Variants in GSG1L observed in about 807,000 individuals in gnomAD.
GSG1L encodes the protein germ cell-specific gene 1-like protein.
Under a neutral mutation model 42.1 loss-of-function variants are expected in GSG1L, and 24 were observed. The ratio of observed to expected loss-of-function variants is 0.57; its 90% CI spans 0.41 to 0.80. The LOEUF (loss-of-function observed/expected upper bound fraction) is 0.80, where lower values mean the gene tolerates loss of function less well. Among genes scored for constraint, GSG1L ranks in the 30% least tolerant of loss-of-function variants. GSG1L has a pLI of 0.00. For synonymous variants in GSG1L, 215 were observed against 203.5 expected, an observed-to-expected ratio of 1.06 and a Z score of -0.48; for missense variants, 445 against 472.2, an observed-to-expected ratio of 0.94 and a Z score of 0.53.
chr16:28,063,296 G>C lies in GSG1L; in HGVS notation c.129C>G (p.Gly43=). ...AGTTGGCGCGCCCGCCCTGGCCGCA[G>C]CCCGGCTTGGGGACCCGCTGCGTGC... ...CQGTQRVPKP[G]CGQGGRANCP... is the part of the protein sequence containing the mutation. Residue 43 remains glycine, a synonymous_variant, in exon 1 of 7, where the codon GGC becomes GGG. Transcript: ENST00000447459. This position sits in a 1 kb window ranked among gnomAD's most constrained non-coding sequence, Gnocchi z 5.8. 2.2e-6 allele frequency: 3 copies of C among 1,380,612 alleles called. No individual in the cohort carries two copies. Among genetic ancestry groups the C allele is most frequent in the Non-Finnish European group, 2.8e-6 (3 of 1,057,962 alleles). 85.5% of individuals were successfully genotyped at this position (1,380,612 alleles called of 1,614,324 possible).
chr16:28,041,309 GGT>G (rs1411920080), intron 1 of GSG1L, among the ~76,000 whole-genome samples: 1 of 151,956 alleles, frequency 6.6e-6, no homozygotes, highest in Non-Finnish European at 1.5e-5. Flanking sequence ...ACATTAGCTG[GGT>G]GTGTTGGTGC....
At position 28,024,345 on chromosome 16, in the gene GSG1L, C is replaced by T. The variant is rs1282996582; in HGVS notation, c.349+38731G>A. ...CGAAATGGAATCGACAAGGTGCTGCCGCCAACTCCGATTGTAAATTAGATA... is the reference window on the plus strand; with the variant it reads ...CGAAATGGAATCGACAAGGTGCTGCTGCCAACTCCGATTGTAAATTAGATA... On this transcript the variant is annotated intron_variant, in intron 1 of 6. Transcript: ENST00000447459. Among the ~76,000 whole-genome samples, 5 of 152,170 alleles carry T rather than the reference C, an allele frequency of 3.3e-5. No individual in the cohort carries two copies. In the East Asian group the frequency reaches 9.6e-4, roughly 29 times the overall value.
chr16:27,834,258 A>G (rs2083300511), intron 4 of GSG1L, among the ~76,000 whole-genome samples: 2 of 152,158 alleles, frequency 1.3e-5, no homozygotes, highest in Non-Finnish European at 2.9e-5. Context: ...TGATTTTTCA[A>G]ATATTGAAGC....
chr16:28,014,028 A>C (rs553430442), intron 1 of GSG1L, among the ~76,000 whole-genome samples: 1 of 152,360 alleles, frequency 6.6e-6, no homozygotes, highest in East Asian at 1.9e-4. Flanking sequence ...AACCAGGACT[A>C]CGACCTAAGA....
intron 2 of GSG1L, among the ~76,000 whole-genome samples, chr16:27,923,939 C>T (rs1204217723): frequency 6.6e-6 from 1 of 152,086 alleles, no homozygotes; most frequent in Non-Finnish European, 1.5e-5. Flanking sequence ...CTACCACACA[C>T]TTGCTCTGTG....
chr16:28,058,635 AAC>A (rs1491029463), intron 1 of GSG1L, among the ~76,000 whole-genome samples: 7 of 90,826 alleles, frequency 7.7e-5, no homozygotes, highest in African/African-American at 3.4e-4. Flanking sequence ...AAAAAAAAAA[AAC>A]AAACAAACCA....
chr16:27,962,281 A>G (rs373804965), intron 2 of GSG1L, among the ~76,000 whole-genome samples: 11 of 152,232 alleles, frequency 7.2e-5, no homozygotes, highest in East Asian at 3.8e-4. Flanking sequence ...GGGTGTGACC[A>G]TGTGACTAGT....
At chr16:27,986,372 C>T (rs1398731474) in intron 1 of GSG1L, among the ~76,000 whole-genome samples, 1 of 151,912 alleles carries the variant, frequency 6.6e-6, no homozygotes, top group Non-Finnish European at 1.5e-5. Context: ...TGGTGGTGTG[C>T]ACCTGTAATC....
At chr16:27,843,647 G>C (rs111958452) in intron 4 of GSG1L, among the ~76,000 whole-genome samples, 1,609 of 152,202 alleles carry the variant, frequency 0.011, 39 homozygotes, top group African/African-American at 0.036. Context: ...GGGCATGAGG[G>C]CATGACTGGG....
At chr16:28,035,526 G>T (rs894875197) in intron 1 of GSG1L, among the ~76,000 whole-genome samples, 13 of 152,234 alleles carry the variant, frequency 8.5e-5, no homozygotes, top group Non-Finnish European at 1.3e-4. Context: ...ACAAGAGCAG[G>T]CAGTGGGGGC....
chr16:28,029,260 A>G (rs565876254), intron 1 of GSG1L, among the ~76,000 whole-genome samples: 5 of 152,216 alleles, frequency 3.3e-5, no homozygotes, highest in African/African-American at 1.2e-4. Flanking sequence ...AACTGTTGCC[A>G]TTTTCATTAT....
In GSG1L at chr16:28,063,577, C is replaced by A. The variant is rs1249772999; in HGVS notation, c.-153G>T. 1 of 225,896 alleles carries A rather than the reference C, an allele frequency of 4.4e-6. No individual in the cohort carries two copies. The highest frequency in any genetic ancestry group is 7.4e-6 in the Non-Finnish European group (1 of 135,864). The allele number at this position is 225,896 out of a possible 1,614,324, so 14.0% of individuals were successfully genotyped here. On this transcript the variant is annotated 5_prime_UTR_variant, in exon 1 of 7. Coordinates refer to ENST00000447459, the MANE Select transcript of GSG1L (RefSeq NM_001109763.2). The surrounding 1 kb of genome is among the most constrained non-coding windows in gnomAD (Gnocchi z 5.8). The stretch of plus-strand genomic sequence containing the variant: ...GGCGGACGCGGCGCGGGCCCATGCC[C>A]CCCCCAACCCCGGGGTGGGGGCGCG...
chr16:28,020,638 G>C (rs1433315775), intron 1 of GSG1L, among the ~76,000 whole-genome samples: 1 of 152,176 alleles, frequency 6.6e-6, no homozygotes, highest in Non-Finnish European at 1.5e-5. Flanking sequence ...CTGTCACATT[G>C]AATCAGGGAT....
intron 3 of GSG1L, among the ~76,000 whole-genome samples, chr16:27,846,081 C>T (rs1020642457): frequency 6.6e-6 from 1 of 151,908 alleles, no homozygotes; most frequent in African/African-American, 2.4e-5. Flanking sequence ...TTTTGTATTT[C>T]CCCTACTGAT....
intron 1 of GSG1L, among the ~76,000 whole-genome samples, chr16:28,029,389 T>A (rs1273751785): frequency 6.6e-6 from 1 of 152,248 alleles, no homozygotes; most frequent in Non-Finnish European, 1.5e-5. Context: ...TGTCTGTCTG[T>A]CTCACTATGT....
intron 1 of GSG1L, among the ~76,000 whole-genome samples, chr16:28,061,324 T>C (rs1378662831): frequency 1.3e-5 from 2 of 152,186 alleles, no homozygotes; most frequent in Admixed American, 6.5e-5. Context: ...TAATTTTAAT[T>C]GCATCCCACA....
intron 1 of GSG1L, among the ~76,000 whole-genome samples, chr16:28,035,882 C>T (rs2086029614): frequency 6.6e-6 from 1 of 152,178 alleles, no homozygotes; most frequent in South Asian, 2.1e-4. Context: ...CTTCCAGACC[C>T]CAGTCCCTCA....
At chr16:27,943,853 G>C (rs1295799371) in intron 2 of GSG1L, among the ~76,000 whole-genome samples, 3 of 152,052 alleles carry the variant, frequency 2.0e-5, no homozygotes, top group Non-Finnish European at 2.9e-5. Flanking sequence ...AGGATTACAG[G>C]TGTAAGCCAC....
intron 2 of GSG1L, among the ~76,000 whole-genome samples, chr16:27,917,913 G>T (rs2084477234): frequency 6.6e-6 from 1 of 152,006 alleles, no homozygotes; most frequent in Non-Finnish European, 1.5e-5. Context: ...TAAGAAAGTG[G>T]CCGGAAGCCA....
Sources: allele counts gnomAD v4.1 joint callset (sites outside exome capture counted in the v4.1 genomes callset), GRCh38; gene constraint gnomAD v4.1.1; non-coding constraint Gnocchi (gnomAD v3.1); transcripts MANE v1.5; gene names NCBI Gene and HGNC (gene_info 2026-07-23, HGNC 2026-07-21).